CADM2: variants seen among roughly 807,000 people sequenced by gnomAD.
CADM2 encodes the protein cell adhesion molecule 2, also known as immunoglobulin superfamily member 4D.
In CADM2, 12 loss-of-function variants were observed where a neutral mutation model predicts 49.8. The ratio of observed to expected loss-of-function variants is 0.24; its 90% CI spans 0.15 to 0.39. The LOEUF is 0.39. Ranked by LOEUF, CADM2 falls within the 10% of genes least tolerant of loss-of-function variation. The probability of loss-of-function intolerance (pLI) is 1.00; values close to 1 mark genes in which losing one functional copy is unlikely to be tolerated. For synonymous variants in CADM2, 214 were observed against 175.4 expected, an observed-to-expected ratio of 1.22 and a Z score of -1.74; for missense variants, 378 against 492.3, an observed-to-expected ratio of 0.77 and a Z score of 2.20.
At chr3:85,154,699 G>A (rs377326111) in intron 1 of CADM2, among the ~76,000 whole-genome samples, 4 of 148,566 alleles carry the variant, frequency 2.7e-5, no homozygotes, top group Admixed American at 6.7e-5. Context: ...GAAAGGTCGG[G>A]TTACCCTCAA....
chr3:85,779,918 G>A (rs534490846), intron 2 of CADM2, among the ~76,000 whole-genome samples: 1 of 152,104 alleles, frequency 6.6e-6, no homozygotes, highest in Non-Finnish European at 1.5e-5. Flanking sequence ...TAGTACAACA[G>A]GCAGGCTCAC....
chr3:85,734,253 C>T (rs955777302), intron 2 of CADM2, among the ~76,000 whole-genome samples: 29 of 152,048 alleles, frequency 1.9e-4, no homozygotes, highest in Non-Finnish European at 3.8e-4. Flanking sequence ...GATCTTCAAT[C>T]AAGCATCACT....
In CADM2 at chr3:85,533,338, A is replaced by G. The variant is rs182563994; in HGVS notation, c.62-193184A>G. Among the ~76,000 whole-genome samples the G allele has an allele frequency of 2.4e-3, 362 of 152,312 alleles. 7 individuals carry two copies. The highest frequency in any genetic ancestry group is 1.5e-3 in the East Asian group (8 of 5,182). On this transcript the variant is annotated intron_variant, in intron 1 of 9. Coordinates refer to ENST00000383699, the MANE Select transcript of CADM2 (RefSeq NM_001167675.2). ...CTTTTTTGATGCAGGAATCTATAGC[A>G]CAGCAGGTGATATTGGTAACTGATT...
rs34756757 is a variant in CADM2 at position 85,652,772 on chromosome 3, C to CT, written c.62-73726dup. Among the ~76,000 whole-genome samples the CT allele has an allele frequency of 2.4e-3, 120 of 50,786 alleles. 19 individuals are homozygous for CT. The highest frequency in any genetic ancestry group is 6.0e-3 in the East Asian group (10 of 1,680). 33.3% of individuals were successfully genotyped at this position (50,786 alleles called of 152,430 possible). A position where few individuals can be genotyped will look rare whatever the true frequency, so the allele number is the denominator to read the frequency against. On this transcript the variant is annotated intron_variant, in intron 1 of 9. Transcript: ENST00000383699. ...TAACCTGAAAATCTTTTTTTCTTTTCTTTTTTTTTTTTTTTTTTTTTTTTA... is the reference window on the plus strand; with the variant it reads ...TAACCTGAAAATCTTTTTTTCTTTTCTTTTTTTTTTTTTTTTTTTTTTTTTA...
intron 1 of CADM2, among the ~76,000 whole-genome samples, chr3:85,184,677 G>C (rs1489477538): frequency 6.6e-6 from 1 of 152,050 alleles, no homozygotes. Context: ...ACTCATGAGA[G>C]ATAAACACCT....
chr3:85,272,329 T>C (rs1365529972), intron 1 of CADM2, among the ~76,000 whole-genome samples: 1 of 151,284 alleles, frequency 6.6e-6, no homozygotes, highest in Non-Finnish European at 1.5e-5. Flanking sequence ...GTTAAGAGCA[T>C]ATACAATTCG....
chr3:85,952,597 G>T (rs1723571905), intron 7 of CADM2, among the ~76,000 whole-genome samples: 1 of 150,820 alleles, frequency 6.6e-6, no homozygotes, highest in East Asian at 2.0e-4. Flanking sequence ...TGCTTTGTTG[G>T]TTAGTCTTTA....
At chr3:85,198,188 CATT>C (rs2041393664) in intron 1 of CADM2, among the ~76,000 whole-genome samples, 2 of 151,812 alleles carry the variant, frequency 1.3e-5, no homozygotes, top group Admixed American at 1.3e-4. Context: ...TTATAATTAG[CATT>C]CTCTTCCAGT....
intron 1 of CADM2, among the ~76,000 whole-genome samples, chr3:85,051,824 T>C (rs939739940): frequency 6.6e-6 from 1 of 152,108 alleles, no homozygotes; most frequent in Non-Finnish European, 1.5e-5. Context: ...AAACGGGGCA[T>C]TGGGCCTGGG....
intron 1 of CADM2, among the ~76,000 whole-genome samples, chr3:85,308,606 T>C (rs370972533): frequency 5.5e-4 from 84 of 152,102 alleles, no homozygotes; most frequent in African/African-American, 2.0e-3. Flanking sequence ...ATTTTAATTA[T>C]TTTTCAGAGC....
At chr3:85,720,296 C>T (rs1421479360) in intron 1 of CADM2, among the ~76,000 whole-genome samples, 1 of 152,032 alleles carries the variant, frequency 6.6e-6, no homozygotes, top group Non-Finnish European at 1.5e-5. Flanking sequence ...AAAAATTCTT[C>T]CTTTGTGGTG....
chr3:85,928,688 T>A (rs568118465), intron 6 of CADM2, among the ~76,000 whole-genome samples: 1 of 152,338 alleles, frequency 6.6e-6, no homozygotes, highest in South Asian at 2.1e-4. Context: ...TTTAGTTGGA[T>A]ACTTACAAGT....
intron 1 of CADM2, among the ~76,000 whole-genome samples, chr3:85,699,562 T>C (rs1359237016): frequency 6.6e-6 from 1 of 152,218 alleles, no homozygotes; most frequent in Non-Finnish European, 1.5e-5. Flanking sequence ...GGCTTATGGT[T>C]TGCACTCTCT....
At chr3:85,959,832 G>A (rs1724597825) in intron 7 of CADM2, among the ~76,000 whole-genome samples, 1 of 151,896 alleles carries the variant, frequency 6.6e-6, no homozygotes, top group African/African-American at 2.4e-5. Flanking sequence ...GTAGTAGGCT[G>A]TGCCATCTAG....
intron 1 of CADM2, among the ~76,000 whole-genome samples, chr3:85,428,527 T>C (rs1028045562): frequency 6.9e-6 from 1 of 145,852 alleles, no homozygotes; most frequent in African/African-American, 2.5e-5. Context: ...AAGGCATATA[T>C]ATACACACAC....
chr3:85,466,362 T>C (rs2038490444), intron 1 of CADM2, among the ~76,000 whole-genome samples: 1 of 152,192 alleles, frequency 6.6e-6, no homozygotes, highest in Non-Finnish European at 1.5e-5. Context: ...TCCAAATTAT[T>C]TCAACATTAA....
chr3:85,072,981 C>T (rs1227785216), intron 1 of CADM2, among the ~76,000 whole-genome samples: 1 of 151,932 alleles, frequency 6.6e-6, no homozygotes, highest in African/African-American at 2.4e-5. Flanking sequence ...CCTCTCTTTC[C>T]CTAGGTTAAA....
chr3:85,047,230 G>C (rs1191002589), intron 1 of CADM2, among the ~76,000 whole-genome samples: 1 of 152,102 alleles, frequency 6.6e-6, no homozygotes, highest in Non-Finnish European at 1.5e-5. Context: ...ATTTGCTTCT[G>C]TTGTAGAGCA....
intron 1 of CADM2, among the ~76,000 whole-genome samples, chr3:85,327,554 C>CCACACACACACACACACACACA (rs71108276): frequency 7.3e-6 from 1 of 137,110 alleles, no homozygotes; most frequent in Non-Finnish European, 1.6e-5. Flanking sequence ...CCATGCCCGG[C>CCACACACACACACACACACACA]CACACACACA....
Sources: gnomAD v4.1 joint callset for allele counts (sites outside exome capture counted in the v4.1 genomes callset) on GRCh38, gnomAD v4.1.1 for gene constraint, MANE v1.5 for transcripts, NCBI Gene and HGNC (gene_info 2026-07-23, HGNC 2026-07-21) for gene names.